The following BBS9 variants were observed in gnomAD, a reference collection of about 807,000 sequenced individuals.
BBS9 encodes the protein protein PTHB1.
BBS9 carries 89 observed loss-of-function variants against 117.7 expected under a neutral mutation model. The ratio of observed to expected loss-of-function variants is 0.76; its 90% CI spans 0.64 to 0.90. BBS9 has a LOEUF of 0.90. BBS9 is among the 40% of genes least tolerant of loss of function. The pLI is 0.00. For missense variants in BBS9, 982 were observed against 1,042.2 expected, an observed-to-expected ratio of 0.94 and a Z score of 0.80; for synonymous variants, 379 against 370.9, an observed-to-expected ratio of 1.02 and a Z score of -0.25.
chr7:33,317,888 A>G (rs1810872928), intron 9 of BBS9, among the ~76,000 whole-genome samples: 2 of 152,190 alleles, frequency 1.3e-5, no homozygotes, highest in South Asian at 2.1e-4. Flanking sequence ...CCCGTCTAAT[A>G]AAAACACAAA....
At chr7:33,292,895 G>A (rs10238592) in intron 9 of BBS9, among the ~76,000 whole-genome samples, 151,968 of 151,968 alleles carry the variant, frequency 1, 75,984 homozygotes, top group Non-Finnish European at 1. Flanking sequence ...AATCCCAGGT[G>A]CTCGGGAGTC....
chr7:33,568,519 G>T (rs1585292185), intron 21 of BBS9, among the ~76,000 whole-genome samples: 1 of 152,234 alleles, frequency 6.6e-6, no homozygotes, highest in Non-Finnish European at 1.5e-5. Flanking sequence ...GCTTATCTGT[G>T]TTGTAACTTG....
intron 5 of BBS9, among the ~76,000 whole-genome samples, chr7:33,219,106 G>GCTTA (rs1789661708): frequency 6.6e-6 from 1 of 152,222 alleles, no homozygotes; most frequent in African/African-American, 2.4e-5. Context: ...GCAATGAGGG[G>GCTTA]CTTAGCACCC....
At chr7:33,620,726 T>G (rs893754138) in intron 21 of BBS9, among the ~76,000 whole-genome samples, 1 of 152,110 alleles carries the variant, frequency 6.6e-6, no homozygotes, top group Non-Finnish European at 1.5e-5. Flanking sequence ...TTCACAGAAA[T>G]AGAAAAATCA....
rs1217289956 is a variant in BBS9, at chr7:33,340,887, T to A, written c.1199-10T>A. On this transcript the variant is annotated splice_polypyrimidine_tract_variant and intron_variant, in intron 10 of 22. Coordinates refer to ENST00000242067, the MANE Select transcript of BBS9 (RefSeq NM_198428.3). The stretch of plus-strand genomic sequence containing the variant: ...TATGATTAAATAATTTTTCTTTTTT[T>A]AAATCACAGGTGTTTGGCCCATGAC... 6.2e-7 allele frequency: 1 copy of A among 1,610,792 alleles called. No homozygotes were observed. Among genetic ancestry groups the A allele is most frequent in the Admixed American group, 1.7e-5 (1 of 59,938 alleles).
chr7:33,354,923 A>G (rs1339714265), intron 15 of BBS9, among the ~76,000 whole-genome samples: 3 of 152,118 alleles, frequency 2.0e-5, no homozygotes, highest in Non-Finnish European at 2.9e-5. Flanking sequence ...ATATCTGGTA[A>G]AAAGAACTAC....
chr7:33,306,373 T>G (rs914475062), intron 9 of BBS9, among the ~76,000 whole-genome samples: 6 of 152,040 alleles, frequency 3.9e-5, no homozygotes, highest in African/African-American at 1.4e-4. Context: ...GTTTTTTCCT[T>G]CCATGTGCGA....
At chr7:33,271,942 A>G (rs1799870698) in intron 7 of BBS9, among the ~76,000 whole-genome samples, 1 of 152,190 alleles carries the variant, frequency 6.6e-6, no homozygotes. Context: ...ACTCTAAAAT[A>G]AACTACACAA....
chr7:33,244,682 G>A (rs1041713859), intron 5 of BBS9, among the ~76,000 whole-genome samples: 1 of 152,100 alleles, frequency 6.6e-6, no homozygotes, highest in African/African-American at 2.4e-5. Flanking sequence ...GCAACCCATT[G>A]CGGTATAGAG....
chr7:33,341,848 C>G (rs559769752), intron 11 of BBS9, among the ~76,000 whole-genome samples: 4 of 152,104 alleles, frequency 2.6e-5, no homozygotes, highest in Non-Finnish European at 5.9e-5. Flanking sequence ...CTTAAGTTTT[C>G]TATAAGCACT....
intron 21 of BBS9, among the ~76,000 whole-genome samples, chr7:33,603,497 C>T (rs555589354): frequency 2.0e-5 from 3 of 152,178 alleles, no homozygotes; most frequent in African/African-American, 4.8e-5. Flanking sequence ...TCTCATGAGA[C>T]CTCAGTTTTC....
intron 17 of BBS9, among the ~76,000 whole-genome samples, chr7:33,370,427 A>G (rs1021936543): frequency 6.6e-6 from 1 of 152,134 alleles, no homozygotes; most frequent in Non-Finnish European, 1.5e-5. Context: ...CTGAGATTGC[A>G]CTACTGCACT....
At chr7:33,565,249 G>A (rs186648708) in intron 21 of BBS9, among the ~76,000 whole-genome samples, 2 of 152,066 alleles carry the variant, frequency 1.3e-5, no homozygotes, top group African/African-American at 4.8e-5. Context: ...CTTTTTTACT[G>A]ACTTGTCTTA....
chr7:33,130,492 C>A (rs1569239), intron 1 of BBS9, among the ~76,000 whole-genome samples: 24,027 of 152,160 alleles, frequency 0.16, 2,072 homozygotes, highest in South Asian at 0.21. Flanking sequence ...CAAATCCTGC[C>A]TTTGACTTCA....
intron 19 of BBS9, among the ~76,000 whole-genome samples, chr7:33,489,006 T>C (rs1434735264): frequency 6.7e-6 from 1 of 148,420 alleles, no homozygotes; most frequent in Non-Finnish European, 1.5e-5. Flanking sequence ...TTTTTTTTTT[T>C]TTTTGAGATG....
At chr7:33,501,507 G>C (rs562885179) in intron 19 of BBS9, among the ~76,000 whole-genome samples, 2 of 152,310 alleles carry the variant, frequency 1.3e-5, no homozygotes, top group South Asian at 4.1e-4. Context: ...CGATGCTTCT[G>C]TCCGATTGAT....
intron 17 of BBS9, among the ~76,000 whole-genome samples, chr7:33,381,501 A>C (rs1353385525): frequency 6.6e-6 from 1 of 152,140 alleles, no homozygotes; most frequent in South Asian, 2.1e-4. Context: ...CTTAGTGTGG[A>C]TAAGACTAGA....
At chr7:33,145,494 C>T (rs1584132194) in intron 1 of BBS9, among the ~76,000 whole-genome samples, 1 of 152,144 alleles carries the variant, frequency 6.6e-6, no homozygotes, top group South Asian at 2.1e-4. Context: ...AATTTTCCTG[C>T]TTCTTTTTTG....
At chr7:33,310,781 C>A (rs145476949) in intron 9 of BBS9, among the ~76,000 whole-genome samples, 62 of 152,254 alleles carry the variant, frequency 4.1e-4, no homozygotes, top group African/African-American at 1.4e-3. Flanking sequence ...ATGAGACAGT[C>A]CCCACAAGAA....
Sources: allele counts gnomAD v4.1 joint callset (sites outside exome capture counted in the v4.1 genomes callset), GRCh38; gene constraint gnomAD v4.1.1; transcripts MANE v1.5; gene names NCBI Gene and HGNC (gene_info 2026-07-23, HGNC 2026-07-21).